The following FECH variants were observed in gnomAD, a reference collection of about 807,000 sequenced individuals.
The protein encoded by FECH is ferrochelatase, mitochondrial.
A neutral mutation model predicts 56.9 loss-of-function variants in FECH; 40 were observed. That is an observed-to-expected ratio of 0.70 (90% CI 0.55 to 0.92). The LOEUF is 0.92. Ranked by LOEUF, FECH falls within the 40% of genes least tolerant of loss-of-function variation. FECH has a pLI of 0.00. For missense variants in FECH, 431 were observed against 529.1 expected (o/e 0.81, Z 1.82); for synonymous variants, 175 against 198.6 (o/e 0.88, Z 1.00).
At chr18:57,571,312 T>C in intron 4 of FECH, 80 bp downstream of exon 4, 1 of 1,447,702 alleles carries the variant, frequency 6.9e-7, no homozygotes, top group Non-Finnish European at 9.7e-7. Context: ...ATGAAGCATT[T>C]AGCATCTACT....
intron 3 of FECH, 31 bp downstream of exon 3, chr18:57,573,215 G>A (rs767058785): frequency 2.7e-5 from 43 of 1,604,286 alleles, no homozygotes; most frequent in Non-Finnish European, 3.6e-5. Flanking sequence ...TAGTGCCAAG[G>A]TTATAATTGA....
chr18:57,553,509 A>T (rs1177277698), intron 9 of FECH, among the ~76,000 whole-genome samples: 1 of 152,194 alleles, frequency 6.6e-6, no homozygotes, highest in East Asian at 1.9e-4. Flanking sequence ...GAGGGAGGAA[A>T]GGGTTTCTTG....
chr18:57,569,301 T>C (rs2051062653), intron 4 of FECH, among the ~76,000 whole-genome samples: 1 of 152,236 alleles, frequency 6.6e-6, no homozygotes, highest in African/African-American at 2.4e-5. Flanking sequence ...ACTGTCTTAG[T>C]TAACTGGTCA....
At chr18:57,585,435 T>C (rs966761791) in intron 1 of FECH, among the ~76,000 whole-genome samples, 5 of 152,206 alleles carry the variant, frequency 3.3e-5, no homozygotes, top group African/African-American at 7.2e-5. Flanking sequence ...TCAGACTTTA[T>C]TTGCCACAGG....
intron 2 of FECH, among the ~76,000 whole-genome samples, chr18:57,578,438 G>A (rs374834198): frequency 5.4e-4 from 83 of 152,338 alleles, no homozygotes; most frequent in African/African-American, 1.9e-3. Flanking sequence ...ACTTTGGGAA[G>A]CCATGGCAGA....
In FECH at chr18:57,566,547, G is replaced by A; in HGVS notation, c.498C>T (p.Val166=). 6.2e-7 allele frequency: 1 copy of A among 1,614,146 alleles called. No individual in the cohort carries two copies. The highest frequency in any genetic ancestry group is 8.5e-7 in the Non-Finnish European group (1 of 1,180,002). ...CAATTGCTTCTTCTGTTAAAGGATGGACGTACCGAAATCCAATATAGTATT... is the reference window on the plus strand; with the variant it reads ...CAATTGCTTCTTCTGTTAAAGGATGAACGTACCGAAATCCAATATAGTATT... ...PHKYYIGFRY[V]HPLTEEAIEE... The change falls in exon 5 of 11, where the codon GTC becomes GTT. Residue 166 remains valine, a synonymous_variant. Transcript: ENST00000262093.
intron 9 of FECH, among the ~76,000 whole-genome samples, chr18:57,553,503 G>A (rs1407041539): frequency 6.6e-6 from 1 of 152,144 alleles, no homozygotes; most frequent in Non-Finnish European, 1.5e-5. Flanking sequence ...GGCAGAGAGG[G>A]AGGAAAGGGT....
chr18:57,553,297 C>T (rs752199450), intron 9 of FECH, among the ~76,000 whole-genome samples: 4 of 152,034 alleles, frequency 2.6e-5, no homozygotes, highest in Non-Finnish European at 5.9e-5. Flanking sequence ...CTTAGGTGCT[C>T]CCTAACTTCA....
intron 7 of FECH, among the ~76,000 whole-genome samples, chr18:57,555,941 C>A (rs2050862024): frequency 6.6e-6 from 1 of 152,158 alleles, no homozygotes; most frequent in African/African-American, 2.4e-5. Context: ...CCAGCCTCAC[C>A]AACATGGTGA....
chr18:57,586,570 G>A lies in FECH; in HGVS notation c.51C>T (p.Val17=). 1 of 1,522,390 alleles carries A rather than the reference G, an allele frequency of 6.6e-7. No individual in the cohort carries two copies. Among genetic ancestry groups the A allele is most frequent in the Non-Finnish European group, 8.8e-7 (1 of 1,141,800 alleles). The allele number at this position is 1,522,390 out of a possible 1,614,324, so 94.3% of individuals were successfully genotyped here. ...NMAAALRAAG[V]LLRDPLASSS... The stretch of plus-strand genomic sequence containing the variant: ...CCCACTTACGCGGATCGCGGAGCAG[G>A]ACGCCCGCGGCGCGCAGGGCCGCAG... The change falls in exon 1 of 11, where the codon GTC becomes GTT. Residue 17 remains valine (V), a synonymous_variant. Coordinates refer to ENST00000262093, the MANE Select transcript of FECH (RefSeq NM_000140.5).
intron 4 of FECH, 92 bp downstream of exon 4, chr18:57,571,300 A>C (rs1010070965): frequency 1.2e-5 from 16 of 1,338,970 alleles, no homozygotes; most frequent in East Asian, 9.5e-5. Context: ...TTGCCAGTAC[A>C]TATGAAGCAT....
intron 5 of FECH, among the ~76,000 whole-genome samples, chr18:57,563,456 T>C (rs1050127819): frequency 2.6e-5 from 4 of 151,956 alleles, no homozygotes; most frequent in African/African-American, 4.8e-5. Context: ...GTGGTGCACC[T>C]GTAATCCCAG....
intron 2 of FECH, among the ~76,000 whole-genome samples, chr18:57,575,775 C>T (rs1181475905): frequency 6.8e-6 from 1 of 146,466 alleles, no homozygotes; most frequent in African/African-American, 2.6e-5. Flanking sequence ...CAACATTTGG[C>T]AATAACGTAA....
chr18:57,571,600 T>C (rs2051111067), intron 3 of FECH, 60 bp from the exon 4 acceptor site: 1 of 1,613,202 alleles, frequency 6.2e-7, no homozygotes, highest in Admixed American at 1.7e-5. Flanking sequence ...CTGAGAAATG[T>C]TTTCTACTCA....
At position 57,556,494 on chromosome 18, in the gene FECH, G is replaced by A. The variant is rs552203587; in HGVS notation, c.805-1542C>T. On this transcript the variant is annotated intron_variant, in intron 7 of 10. Coordinates refer to ENST00000262093, the MANE Select transcript of FECH (RefSeq NM_000140.5). ...GGTGTGAGGCACAGAGCAGGGCCCC[G>A]CACCCCTGTGGGTTCTTGCCAATGA... is the stretch of plus-strand genomic sequence containing the variant. 2.0e-3 allele frequency among the ~76,000 whole-genome samples: 310 copies of A among 152,276 alleles called. 2 individuals are homozygous for A. Among genetic ancestry groups the A allele is most frequent in the African/African-American group, 6.5e-3 (272 of 41,562 alleles).
Position 57,566,473 on chromosome 18 carries a change from T to C in FECH, c.572A>G (p.Tyr191Cys). 1.2e-6 allele frequency: 2 copies of C among 1,614,220 alleles called. No individual in the cohort carries two copies. Among genetic ancestry groups the C allele is most frequent in the Non-Finnish European group, 1.7e-6 (2 of 1,180,028 alleles). ...TGTGGTGGAGCAGCTGTACTGTGGA[T>C]ACTGTGTGAAAGCAATAGCCCTTTC... ...GLERAIAFTQ[Y>C]PQYSCSTTGS... The change falls in exon 5 of 11, where the codon TAT becomes TGT. Residue 191 changes from tyrosine to cysteine, a missense_variant. Physicochemically the swap from Tyr to Cys is radical, Grantham distance 194. Coordinates refer to ENST00000262093, the MANE Select transcript of FECH (RefSeq NM_000140.5).
At chr18:57,582,942 G>A (rs1235256033) in intron 1 of FECH, among the ~76,000 whole-genome samples, 3 of 151,818 alleles carry the variant, frequency 2.0e-5, no homozygotes, top group Non-Finnish European at 4.4e-5. Flanking sequence ...AAGCGGTGGG[G>A]AGGGACTAGA....
Position 57,580,106 on chromosome 18 carries a change from T to C in FECH, c.161A>G (p.Gln54Arg). The change falls in exon 2 of 11, where the codon CAG becomes CGG. Residue 54 changes from glutamine (Q) to arginine (R), a missense_variant. Gln to Arg is a conservative substitution (Grantham distance 43). Coordinates refer to ENST00000262093, the MANE Select transcript of FECH (RefSeq NM_000140.5). ...AVTTETAQHA[Q>R]GAKPQVQPQK... is the part of the protein sequence containing the mutation. ...CGGTTGAACTTGAGGTTTTGCACCC[T>C]GGGCATGCTGGGCTGTTTCTGTGGT... 2 of 1,614,190 alleles carry C rather than the reference T, an allele frequency of 1.2e-6. No homozygotes were observed. Among genetic ancestry groups the C allele is most frequent in the Non-Finnish European group, 1.7e-6 (2 of 1,180,040 alleles).
intron 1 of FECH, among the ~76,000 whole-genome samples, chr18:57,582,670 T>C (rs1190650256): frequency 6.6e-6 from 1 of 151,192 alleles, no homozygotes; most frequent in East Asian, 1.9e-4. Context: ...TCCCAGCACT[T>C]TGGGAGGCCG....
Sources: gnomAD v4.1 joint callset for allele counts (sites outside exome capture counted in the v4.1 genomes callset) on GRCh38, gnomAD v4.1.1 for gene constraint, MANE v1.5 for transcripts, NCBI Gene and HGNC (gene_info 2026-07-23, HGNC 2026-07-21) for gene names.